Variants in TECTA observed in about 807,000 individuals in gnomAD.
The protein encoded by TECTA is tectorin alpha, also known as alpha-tectorin.
TECTA carries 128 observed loss-of-function variants against 216.8 expected under a neutral mutation model. The ratio of observed to expected loss-of-function variants is 0.59; its 90% CI spans 0.51 to 0.68. The LOEUF (loss-of-function observed/expected upper bound fraction) is 0.68. TECTA is among the 30% of genes least tolerant of loss of function. The pLI, the probability that TECTA is intolerant of heterozygous loss-of-function variation, is 0.00. For synonymous variants in TECTA, 1,089 were observed against 1,117.1 expected, an observed-to-expected ratio of 0.97 and a Z score of 0.50; for missense variants, 2,551 against 2,786.2, an observed-to-expected ratio of 0.92 and a Z score of 1.90.
intron 3 of TECTA, among the ~76,000 whole-genome samples, chr11:121,107,054 C>G (rs552246250): frequency 6.6e-6 from 1 of 152,360 alleles, no homozygotes; most frequent in East Asian, 1.9e-4. Context: ...CTCTGCCAGT[C>G]TGTGTGTTTT....
At chr11:121,187,599 A>G (rs749440845) in intron 20 of TECTA, among the ~76,000 whole-genome samples, 5 of 152,158 alleles carry the variant, frequency 3.3e-5, no homozygotes, top group Non-Finnish European at 5.9e-5. Context: ...TTTTAGTTGC[A>G]GTTAGGATAC....
intron 20 of TECTA, among the ~76,000 whole-genome samples, chr11:121,176,829 G>A (rs893046616): frequency 4.0e-5 from 6 of 151,888 alleles, no homozygotes; most frequent in African/African-American, 1.5e-4. Context: ...ACATAGATTT[G>A]GTCTTTTCAC....
At chr11:121,174,040 T>G (rs989016880) in intron 20 of TECTA, among the ~76,000 whole-genome samples, 23 of 152,212 alleles carry the variant, frequency 1.5e-4, no homozygotes, top group African/African-American at 5.3e-4. Context: ...ACATTGATTT[T>G]GTATCCTGAG....
intron 20 of TECTA, among the ~76,000 whole-genome samples, chr11:121,171,054 G>T (rs780254797): frequency 6.6e-6 from 1 of 152,100 alleles, no homozygotes; most frequent in Non-Finnish European, 1.5e-5. Flanking sequence ...TAGCTTTATA[G>T]TTTCTGGTTG....
Position 121,158,033 on chromosome 11 carries a change from G to A in TECTA, c.4498G>A (p.Gly1500Ser), listed in dbSNP as rs764076316. ...CGGCGGCGTCTTCCGCACCTTCGAC[G>A]GCGCCTTCCTGCGCTTCCCAGCCAA... ...AGGGVFRTFD[G>S]AFLRFPANCA... The change falls in exon 14 of 24, where the codon GGC (glycine) becomes AGC (serine). Residue 1500 changes from glycine to serine, a missense_variant. Gly to Ser is a moderately conservative substitution (Grantham distance 56). Around this residue, in one of 3 missense-constraint regions of TECTA, gnomAD observed 2,375 missense variants for 2,563.9 expected, o/e 0.93. Transcript: ENST00000392793. The A allele has an allele frequency of 6.2e-7, 1 of 1,613,134 alleles. No homozygotes were observed. The highest frequency in any genetic ancestry group is 1.1e-5 in the South Asian group (1 of 91,084).
chr11:121,104,836 G>A (rs771488237), intron 2 of TECTA, among the ~76,000 whole-genome samples: 6 of 151,926 alleles, frequency 3.9e-5, no homozygotes, highest in East Asian at 1.9e-4. Flanking sequence ...CCCTGCCCCC[G>A]AGAATGAGAA....
intron 16 of TECTA, 93 bp downstream of exon 16, chr11:121,162,463 C>T (rs1947011161): frequency 6.9e-7 from 1 of 1,443,514 alleles, no homozygotes; most frequent in Non-Finnish European, 9.4e-7. Context: ...GACTGGTCCT[C>T]TCCAGATTTA....
At chr11:121,167,339 T>C (rs1947064168) in intron 18 of TECTA, among the ~76,000 whole-genome samples, 1 of 152,128 alleles carries the variant, frequency 6.6e-6, no homozygotes, top group South Asian at 2.1e-4. Flanking sequence ...AAGGCTGACA[T>C]GGGAGGATCA....
In TECTA at chr11:121,128,157, C is replaced by A; in HGVS notation, c.2180C>A (p.Ala727Asp). The A allele has an allele frequency of 2.5e-6, 4 of 1,611,342 alleles. No individual in the cohort carries two copies. The highest frequency in any genetic ancestry group is 3.4e-6 in the Non-Finnish European group (4 of 1,180,016). Residue 727 changes from alanine to aspartate, a missense_variant, in exon 9 of 24, where the codon GCC (alanine) becomes GAC (aspartate). Ala to Asp is a moderately radical substitution (Grantham distance 126, BLOSUM62 -2). This residue lies in a region of TECTA where 2,375 missense variants were observed against 2,563.9 expected (regional missense o/e 0.93). Coordinates refer to ENST00000392793, the MANE Select transcript of TECTA (RefSeq NM_005422.4). ...QNQVLHTFDG[A>D]SYAFPSEFSY... ...CAGGTGCTGCACACCTTTGACGGCG[C>A]CTCCTACGCCTTCCCCTCCGAGTTC...
At chr11:121,120,253 G>C (rs146278636) in intron 7 of TECTA, among the ~76,000 whole-genome samples, 1 of 152,182 alleles carries the variant, frequency 6.6e-6, no homozygotes, top group Admixed American at 6.5e-5. Flanking sequence ...TCCAAGCATA[G>C]GGCATGGATT....
At position 121,125,849 on chromosome 11, in the gene TECTA, A is replaced by G. The variant is rs761555232; in HGVS notation, c.1751A>G (p.Asp584Gly). 25 of 1,610,720 alleles carry G rather than the reference A, an allele frequency of 1.6e-5. No homozygotes were observed. Among genetic ancestry groups the G allele is most frequent in the Middle Eastern group, 1.6e-4 (1 of 6,076 alleles). The change falls in exon 8 of 24, where the codon GAC (aspartate) becomes GGC (glycine). Residue 584 changes from aspartate to glycine, a missense_variant. Transcript: ENST00000392793. ...CAAGCCCTTGGCATTCCAATTGGAG[A>G]CTGGCGAACCCAGACTGGGTGTGGT... ...VCQALGIPIG[D>G]WRTQTGCVST... is the part of the protein sequence containing the mutation.
chr11:121,155,313 T>G (rs563409506), intron 13 of TECTA, among the ~76,000 whole-genome samples: 37 of 152,350 alleles, frequency 2.4e-4, no homozygotes, highest in African/African-American at 8.2e-4. Context: ...TACATCAAGT[T>G]ATTTTTCTCT....
rs1282989002 is a variant in TECTA, at chr11:121,191,395, A to G, written c.*589A>G. ...CCTGGGGAACCCCACCCACTCTCCT[A>G]CCCCCTCGAACCCAATCCCTTCTCT... On this transcript the variant is annotated 3_prime_UTR_variant, in exon 24 of 24. Transcript: ENST00000392793. 6.3e-6 allele frequency: 1 copy of G among 158,786 alleles called. No homozygotes were observed. Among genetic ancestry groups the G allele is most frequent in the Non-Finnish European group, 1.4e-5 (1 of 71,736 alleles). 9.8% of individuals were successfully genotyped at this position (158,786 alleles called of 1,614,324 possible).
intron 13 of TECTA, among the ~76,000 whole-genome samples, chr11:121,157,194 A>T (rs532103081): frequency 6.6e-6 from 1 of 152,278 alleles, no homozygotes; most frequent in East Asian, 1.9e-4. Flanking sequence ...TCCTTGATGA[A>T]TATTTTCTAC....
intron 7 of TECTA, among the ~76,000 whole-genome samples, chr11:121,120,444 C>T (rs930224466): frequency 6.6e-6 from 1 of 152,182 alleles, no homozygotes; most frequent in East Asian, 1.9e-4. Context: ...GGCAGAGCCC[C>T]GACCCAGGGT....
chr11:121,190,136 C>T (rs750501833), intron 23 of TECTA: 4 of 473,928 alleles, frequency 8.4e-6, no homozygotes, highest in African/African-American at 2.0e-5. Context: ...GTTATCCAGC[C>T]AATTTTAAGG....
intron 21 of TECTA, among the ~76,000 whole-genome samples, chr11:121,188,757 G>A (rs1012699476): frequency 2.0e-5 from 3 of 152,252 alleles, no homozygotes; most frequent in Non-Finnish European, 4.4e-5. Flanking sequence ...GCATACATTA[G>A]TGTCTGATGA....
At chr11:121,110,925 A>T (rs1356963897) in intron 4 of TECTA, among the ~76,000 whole-genome samples, 1 of 152,206 alleles carries the variant, frequency 6.6e-6, no homozygotes, top group African/African-American at 2.4e-5. Flanking sequence ...AAGATGATGT[A>T]GTTCTCTGGA....
chr11:121,127,424 T>C lies in TECTA; in HGVS notation c.1775-328T>C, dbSNP rs1054950829. ...TTATATGTCCATCAGTGGAAGGTCTTAAAATATCTCGGTAGTGTGGATCAT... is the reference window on the plus strand; with the variant it reads ...TTATATGTCCATCAGTGGAAGGTCTCAAAATATCTCGGTAGTGTGGATCAT... On this transcript the variant is annotated intron_variant, in intron 8 of 23. Coordinates refer to ENST00000392793, the MANE Select transcript of TECTA (RefSeq NM_005422.4). The surrounding 1 kb of genome is among the most constrained non-coding windows in gnomAD (Gnocchi z 5.0). Among the ~76,000 whole-genome samples the C allele has an allele frequency of 2.0e-5, 3 of 152,204 alleles. No individual in the cohort carries two copies. The highest frequency in any genetic ancestry group is 7.2e-5 in the African/African-American group (3 of 41,440).
Sources: gnomAD v4.1 joint callset for allele counts (sites outside exome capture counted in the v4.1 genomes callset) on GRCh38, gnomAD v4.1.1 for gene constraint, gnomAD v4.1.1 regional missense constraint, Gnocchi (gnomAD v3.1) non-coding constraint, MANE v1.5 for transcripts, NCBI Gene and HGNC (gene_info 2026-07-23, HGNC 2026-07-21) for gene names.